The following CIMIP6 variants were observed in gnomAD, a reference collection of about 807,000 sequenced individuals.
The protein encoded by CIMIP6 is uncharacterized protein C2orf73.
At chr2:54,376,082 C>T in the CIMIP6 span, among the ~76,000 whole-genome samples, 1 of 152,160 alleles carries the variant, frequency 6.6e-6, no homozygotes, top group African/African-American at 2.4e-5. Context: ...GTTGCCAAGT[C>T]TGGAATGCAT....
At chr2:54,346,873 T>C in the CIMIP6 span, among the ~76,000 whole-genome samples, 1 of 152,252 alleles carries the variant, frequency 6.6e-6, no homozygotes, top group Non-Finnish European at 1.5e-5. Context: ...CTTCTCAACG[T>C]TCATAGAATA....
the CIMIP6 span, among the ~76,000 whole-genome samples, chr2:54,369,207 G>GGT: frequency 6.6e-6 from 1 of 152,072 alleles, no homozygotes; most frequent in South Asian, 2.1e-4. Flanking sequence ...TGTGTGTGGG[G>GGT]GTGTGTGTGT....
the CIMIP6 span, among the ~76,000 whole-genome samples, chr2:54,337,531 T>C: frequency 6.6e-5 from 10 of 152,184 alleles, no homozygotes; most frequent in African/African-American, 1.9e-4. Context: ...TAGTTCAGGG[T>C]TGAATTTAAA....
At chr2:54,362,549 T>C in the CIMIP6 span, among the ~76,000 whole-genome samples, 7 of 152,116 alleles carry the variant, frequency 4.6e-5, no homozygotes, top group African/African-American at 1.7e-4. Context: ...TGTCTGTGTG[T>C]GTATGTGTGG....
At chr2:54,343,628 A>G in the CIMIP6 span, 1 of 902,560 alleles carries the variant, frequency 1.1e-6, no homozygotes, top group South Asian at 3.6e-5. Flanking sequence ...CTAACTTGTT[A>G]AATTGAATTA....
At chr2:54,361,648 G>C in the CIMIP6 span, 3 of 152,120 alleles carry the variant, frequency 2.0e-5, no homozygotes, top group Admixed American at 1.3e-4. Context: ...TATCTCCAAT[G>C]TATATCTTGG....
the CIMIP6 span, among the ~76,000 whole-genome samples, chr2:54,348,929 C>G: frequency 6.6e-6 from 1 of 152,170 alleles, no homozygotes; most frequent in Admixed American, 6.5e-5. Context: ...CATCCACAGT[C>G]AGTTAACAAA....
At chr2:54,358,269 G>A in the CIMIP6 span, among the ~76,000 whole-genome samples, 1 of 152,136 alleles carries the variant, frequency 6.6e-6, no homozygotes, top group Non-Finnish European at 1.5e-5. Context: ...CTACCCTGTG[G>A]CCACAGCCAC....
the CIMIP6 span, among the ~76,000 whole-genome samples, chr2:54,335,635 T>C: frequency 6.6e-6 from 1 of 152,264 alleles, no homozygotes; most frequent in South Asian, 2.1e-4. Flanking sequence ...TTATCTTTTT[T>C]ACAAAGTCAG....
chr2:54,353,138 G>A, the CIMIP6 span, among the ~76,000 whole-genome samples: 1 of 152,150 alleles, frequency 6.6e-6, no homozygotes, highest in Non-Finnish European at 1.5e-5. Context: ...GTTGTCTGAG[G>A]ATTTTTCAGA....
chr2:54,383,076 T>G, the CIMIP6 span: 1 of 151,642 alleles, frequency 6.6e-6, no homozygotes, highest in African/African-American at 2.4e-5. Context: ...GGGAAGCCTA[T>G]GGCCATGTTG....
the CIMIP6 span, among the ~76,000 whole-genome samples, chr2:54,354,618 T>C: frequency 6.6e-6 from 1 of 152,132 alleles, no homozygotes; most frequent in South Asian, 2.1e-4. Flanking sequence ...TTTCATTATA[T>C]CTTCTAGTAG....
the CIMIP6 span, among the ~76,000 whole-genome samples, chr2:54,370,497 T>G: frequency 1.3e-5 from 2 of 152,020 alleles, no homozygotes; most frequent in South Asian, 4.1e-4. Flanking sequence ...GAACTTGCCA[T>G]ACAGTTGACA....
At chr2:54,371,655 C>T in the CIMIP6 span, among the ~76,000 whole-genome samples, 6 of 152,192 alleles carry the variant, frequency 3.9e-5, no homozygotes, top group Non-Finnish European at 7.3e-5. Context: ...TCAGACATGC[C>T]AGTGGTGGGC....
At chr2:54,359,032 A>G in the CIMIP6 span, 1 of 1,552,912 alleles carries the variant, frequency 6.4e-7, no homozygotes, top group South Asian at 1.2e-5. Flanking sequence ...TTATACATCA[A>G]TATGATGCCA....
chr2:54,342,565 T>C, the CIMIP6 span, among the ~76,000 whole-genome samples: 1 of 152,080 alleles, frequency 6.6e-6, no homozygotes, highest in East Asian at 1.9e-4. Context: ...CCTGTCTTTT[T>C]AGAAACTAAG....
the CIMIP6 span, among the ~76,000 whole-genome samples, chr2:54,334,088 T>G: frequency 1.3e-5 from 2 of 152,206 alleles, no homozygotes; most frequent in African/African-American, 2.4e-5. Flanking sequence ...TAAAAAGTAT[T>G]CAAATTCATA....
chr2:54,364,215 A>G, the CIMIP6 span, among the ~76,000 whole-genome samples: 2 of 152,228 alleles, frequency 1.3e-5, no homozygotes, highest in East Asian at 3.8e-4. Flanking sequence ...TGTCAGTACA[A>G]GTAGTGCTCT....
the CIMIP6 span, among the ~76,000 whole-genome samples, chr2:54,380,300 T>C: frequency 6.6e-6 from 1 of 152,194 alleles, no homozygotes; most frequent in Admixed American, 6.5e-5. Flanking sequence ...GACACTAATG[T>C]ATTGATGAGA....
Sources: allele counts gnomAD v4.1 joint callset (sites outside exome capture counted in the v4.1 genomes callset), GRCh38; gene constraint gnomAD v4.1.1; transcripts MANE v1.5; gene names NCBI Gene and HGNC (gene_info 2026-07-23, HGNC 2026-07-21).